MEF2C: variants seen among roughly 807,000 people sequenced by gnomAD.
MEF2C encodes the protein myocyte-specific enhancer factor 2C.
MEF2C carries 6 observed loss-of-function variants against 50.5 expected under a neutral mutation model. The observed-to-expected ratio is 0.12, with a 90% confidence interval of 0.07 to 0.23. MEF2C has a LOEUF of 0.23. Ranked by LOEUF, MEF2C falls within the 10% of genes least tolerant of loss-of-function variation. The probability of loss-of-function intolerance (pLI) is 1.00; values close to 1 mark genes in which losing one functional copy is unlikely to be tolerated. For synonymous variants in MEF2C, 183 were observed against 228.0 expected (o/e 0.80, Z 1.78); for missense variants, 276 against 605.0 (o/e 0.46, Z 5.70).
intron 1 of MEF2C, among the ~76,000 whole-genome samples, chr5:88,850,919 A>T (rs1458727338): frequency 1.3e-5 from 2 of 151,916 alleles, no homozygotes; most frequent in African/African-American, 4.8e-5. Context: ...AAAGATGAGG[A>T]TGAAGACCTT....
At chr5:88,889,655 G>C (rs1183244027) in intron 1 of MEF2C, among the ~76,000 whole-genome samples, 1 of 151,962 alleles carries the variant, frequency 6.6e-6, no homozygotes, top group Non-Finnish European at 1.5e-5. Context: ...TGGAAGTCAC[G>C]GCTGGGGGAA....
At chr5:88,870,099 G>T (rs920071010) in intron 1 of MEF2C, among the ~76,000 whole-genome samples, 1 of 151,690 alleles carries the variant, frequency 6.6e-6, no homozygotes, top group Non-Finnish European at 1.5e-5. Context: ...GGATTATGCA[G>T]TAAATTTCAT....
intron 10 of MEF2C, among the ~76,000 whole-genome samples, chr5:88,723,724 G>A (rs528955223): frequency 1.8e-4 from 28 of 152,290 alleles, no homozygotes; most frequent in African/African-American, 5.8e-4. Flanking sequence ...TGATGCGTGC[G>A]GTTCTTAGGC....
chr5:88,752,060 CA>C lies in MEF2C; in HGVS notation c.403-18del. On this transcript the variant is annotated intron_variant, in intron 4 of 10. Coordinates refer to ENST00000504921, the MANE Select transcript of MEF2C (RefSeq NM_002397.5). ...TGGAACAGCCTGCAGGAACAGAAAA[CA>C]AAACAAAGGTAAAAGAAAAGAATTA... 6.3e-7 allele frequency: 1 copy of C among 1,582,354 alleles called. No individual in the cohort carries two copies. The highest frequency in any genetic ancestry group is 8.6e-7 in the Non-Finnish European group (1 of 1,163,452).
In MEF2C at chr5:88,842,528, C is replaced by T. The variant is rs186088168; in HGVS notation, c.-142-18598G>A. Among the ~76,000 whole-genome samples the T allele has an allele frequency of 2.3e-3, 342 of 148,718 alleles. 4 individuals carry two copies. Among genetic ancestry groups the T allele is most frequent in the African/African-American group, 8.4e-3 (336 of 40,234 alleles). On this transcript the variant is annotated intron_variant, in intron 1 of 10. Coordinates refer to ENST00000504921, the MANE Select transcript of MEF2C (RefSeq NM_002397.5). Reference sequence around the variant, plus strand: ...GGATTAGAAACAGTGCCATTACAAACGTCAACAATATGGAAAAAAAAAAAG... The same window carrying T: ...GGATTAGAAACAGTGCCATTACAAATGTCAACAATATGGAAAAAAAAAAAG...
At chr5:88,745,860 G>A (rs188401099) in intron 6 of MEF2C, among the ~76,000 whole-genome samples, 1 of 152,138 alleles carries the variant, frequency 6.6e-6, no homozygotes, top group Non-Finnish European at 1.5e-5. Flanking sequence ...GACTACCTGG[G>A]CTCTTCCTTG....
chr5:88,873,708 ATTTTTTTTTTTTTT>A (rs199642010), intron 1 of MEF2C, among the ~76,000 whole-genome samples: 24,432 of 94,548 alleles, frequency 0.26, 2,794 homozygotes, highest in Admixed American at 0.35. Context: ...GTCGTCACGG[ATTTTTTTTTTTTTT>A]TTTTTTTTTT....
rs1755156194 is a variant in MEF2C at position 88,717,980 on chromosome 5, T to C, written c.*4624A>G. 1 of 152,192 alleles carries C rather than the reference T, an allele frequency of 6.6e-6. No individual in the cohort carries two copies. Among genetic ancestry groups the C allele is most frequent in the Non-Finnish European group, 1.5e-5 (1 of 68,028 alleles). 9.4% of individuals were successfully genotyped at this position (152,192 alleles called of 1,614,324 possible). ...ATCAAAGATCTTCATGGAACTTCTT[T>C]GATAAAGAAGTTGAACCATTCAATA... is the stretch of plus-strand genomic sequence containing the variant. On this transcript the variant is annotated 3_prime_UTR_variant, in exon 11 of 11. Transcript: ENST00000504921.
intron 4 of MEF2C, among the ~76,000 whole-genome samples, chr5:88,753,578 A>G (rs1045799354): frequency 6.6e-6 from 1 of 152,002 alleles, no homozygotes; most frequent in Non-Finnish European, 1.5e-5. Context: ...TTTAGTAGAG[A>G]TGGGGTTTTG....
chr5:88,797,818 G>A (rs1796654488), intron 3 of MEF2C, among the ~76,000 whole-genome samples: 1 of 151,994 alleles, frequency 6.6e-6, no homozygotes, highest in African/African-American at 2.4e-5. Context: ...CTTCCTTTAG[G>A]AGCCCTTGTA....
chr5:88,741,455 T>G (rs1766743313), intron 6 of MEF2C: 1 of 985,260 alleles, frequency 1.0e-6, no homozygotes, highest in Non-Finnish European at 1.2e-6. Flanking sequence ...GGTTGTTTTA[T>G]TTTTTTGAAT....
At chr5:88,867,850 G>A (rs889768449) in intron 1 of MEF2C, among the ~76,000 whole-genome samples, 1 of 152,320 alleles carries the variant, frequency 6.6e-6, no homozygotes, top group Non-Finnish European at 1.5e-5. Flanking sequence ...GGATACAACT[G>A]TCTTTAAATT....
chr5:88,774,260 A>T (rs1329762084), intron 3 of MEF2C, among the ~76,000 whole-genome samples: 1 of 152,214 alleles, frequency 6.6e-6, no homozygotes, highest in Non-Finnish European at 1.5e-5. Flanking sequence ...AGTCTCACAG[A>T]CTAAATCTCC....
chr5:88,737,969 G>C (rs1764812239), intron 6 of MEF2C: 1 of 985,224 alleles, frequency 1.0e-6, no homozygotes, highest in African/African-American at 1.7e-5. Flanking sequence ...GACAAAAGGG[G>C]GTTGGACTGC....
At chr5:88,785,225 T>G (rs1457831610) in intron 3 of MEF2C, 1 of 151,024 alleles carries the variant, frequency 6.6e-6, no homozygotes, top group Admixed American at 6.6e-5. Flanking sequence ...GGTTTACAGA[T>G]TACTTAAGCA....
At chr5:88,848,430 A>G (rs1227450545) in intron 1 of MEF2C, among the ~76,000 whole-genome samples, 1 of 152,150 alleles carries the variant, frequency 6.6e-6, no homozygotes, top group East Asian at 1.9e-4. Context: ...AAAAACTCCC[A>G]TTTTCACACA....
rs1756587462 is a variant in MEF2C at position 88,722,271 on chromosome 5, C to T, written c.*333G>A. ...GCAAATGTTTCCTTTTGTCTATTTA[C>T]ATGTAAATAACGTTGAACCTGCAAC... is the stretch of plus-strand genomic sequence containing the variant. On this transcript the variant is annotated 3_prime_UTR_variant, in exon 11 of 11. Transcript: ENST00000504921. 9.5e-6 allele frequency: 2 copies of T among 210,394 alleles called. No individual in the cohort carries two copies. The highest frequency in any genetic ancestry group is 2.5e-4 in the South Asian group (2 of 7,980). 13.0% of individuals were successfully genotyped at this position (210,394 alleles called of 1,614,324 possible).
intron 1 of MEF2C, among the ~76,000 whole-genome samples, chr5:88,855,056 C>A (rs1463844980): frequency 2.0e-5 from 3 of 152,172 alleles, no homozygotes; most frequent in Non-Finnish European, 4.4e-5. Context: ...AGGAGGTACA[C>A]AGAAAGGGTG....
At chr5:88,744,103 C>A in intron 6 of MEF2C, 2 of 984,830 alleles carry the variant, frequency 2.0e-6, no homozygotes, top group Non-Finnish European at 2.4e-6. Context: ...AAAAGGCAAT[C>A]GTATTATCAA....
Sources: allele counts gnomAD v4.1 joint callset (sites outside exome capture counted in the v4.1 genomes callset), GRCh38; gene constraint gnomAD v4.1.1; transcripts MANE v1.5; gene names NCBI Gene and HGNC (gene_info 2026-07-23, HGNC 2026-07-21).